The following MYOM1 variants were observed in gnomAD, a reference collection of about 807,000 sequenced individuals.
The protein encoded by MYOM1 is myomesin 1.
In MYOM1, 164 loss-of-function variants were observed where a neutral mutation model predicts 205.3. That is an observed-to-expected ratio of 0.80 (90% CI 0.70 to 0.91). The LOEUF (loss-of-function observed/expected upper bound fraction) is 0.91. Ranked by LOEUF, MYOM1 falls within the 40% of genes least tolerant of loss-of-function variation. The pLI is 0.00. For missense variants in MYOM1, 2,011 were observed against 2,127.3 expected (o/e 0.95, Z 1.08); for synonymous variants, 772 against 789.4 (o/e 0.98, Z 0.37).
intron 13 of MYOM1, 22 bp from the exon 14 acceptor site, chr18:3,142,085 T>C: frequency 6.2e-7 from 1 of 1,611,428 alleles, no homozygotes; most frequent in Non-Finnish European, 8.5e-7. Context: ...CAAGGAAAAA[T>C]GAGAAGCACA....
chr18:3,200,546 A>G (rs1227790394), intron 2 of MYOM1, among the ~76,000 whole-genome samples: 1 of 152,222 alleles, frequency 6.6e-6, no homozygotes, highest in East Asian at 1.9e-4. Context: ...AATATAAATT[A>G]TAAAATAAAA....
At chr18:3,086,425 T>C (rs1422077476) in intron 29 of MYOM1, among the ~76,000 whole-genome samples, 1 of 143,994 alleles carries the variant, frequency 6.9e-6, no homozygotes, top group East Asian at 1.9e-4. Context: ...AAAGAGAGAA[T>C]AGATACATTC....
intron 29 of MYOM1, among the ~76,000 whole-genome samples, chr18:3,087,909 C>G (rs554169308): frequency 6.6e-6 from 1 of 152,116 alleles, no homozygotes; most frequent in African/African-American, 2.4e-5. Flanking sequence ...TAATGCGACA[C>G]GTGAGTGGCT....
At chr18:3,124,303 CT>C (rs34118507) in intron 19 of MYOM1, among the ~76,000 whole-genome samples, 1,877 of 130,824 alleles carry the variant, frequency 0.014, 67 homozygotes, top group African/African-American at 0.051. Flanking sequence ...TTTCTTTTTT[CT>C]TTTTTTTTTT....
intron 17 of MYOM1, 135 bp downstream of exon 17, chr18:3,131,240 A>G: frequency 2.1e-6 from 2 of 971,180 alleles, no homozygotes; most frequent in African/African-American, 1.6e-5. Flanking sequence ...ACCTAGAGTC[A>G]GAGAAAATGA....
the MYOM1 span, among the ~76,000 whole-genome samples, chr18:3,227,389 T>C: frequency 1.3e-5 from 2 of 152,146 alleles, no homozygotes; most frequent in African/African-American, 4.8e-5. Context: ...AGTGTATGAT[T>C]CCACTTATAT....
rs781477026 is a variant in MYOM1 at position 3,151,806 on chromosome 18, A to T, written c.1731T>A (p.Gly577=). The change falls in exon 12 of 38, where the codon GGT becomes GGA. Residue 577 remains glycine, a synonymous_variant. Transcript: ENST00000356443. Reference sequence around the variant, plus strand: ...CTCGAACTCGGAAGATATAGGAACGACCTTCGATCAATCCAGTGACAGGAA... The same window carrying T: ...CTCGAACTCGGAAGATATAGGAACGTCCTTCGATCAATCCAGTGACAGGAA... ...ARFPVTGLIE[G]RSYIFRVRAV... is the part of the protein sequence containing the mutation. 6 of 1,613,972 alleles carry T rather than the reference A, an allele frequency of 3.7e-6. No homozygotes were observed. Among genetic ancestry groups the T allele is most frequent in the Non-Finnish European group, 5.1e-6 (6 of 1,179,844 alleles).
chr18:3,174,124 TA>T lies in MYOM1; in HGVS notation c.1106del (p.Val369GlufsTer26). On this transcript the variant is annotated frameshift_variant, in exon 7 of 38. Coordinates refer to ENST00000356443, the MANE Select transcript of MYOM1 (RefSeq NM_003803.4). LOFTEE classifies it high-confidence loss of function. ...GELSAYASVV[V>X]KRYKGEFDET... ...AAACAAATCTAGCAAACCTACTTTT[TA>T]CCACAACTGAAGCATATGCCGAAAG... The T allele has an allele frequency of 6.2e-7, 1 of 1,614,040 alleles. No homozygotes were observed. Among genetic ancestry groups the T allele is most frequent in the East Asian group, 2.2e-5 (1 of 44,890 alleles).
chr18:3,123,144 A>T (rs1286382001), intron 19 of MYOM1, among the ~76,000 whole-genome samples: 2 of 152,214 alleles, frequency 1.3e-5, no homozygotes, highest in Non-Finnish European at 2.9e-5. Context: ...CTTTTATTCA[A>T]TATAGTGCTA....
intron 10 of MYOM1, among the ~76,000 whole-genome samples, chr18:3,160,141 TTTCCC>T (rs1165184348): frequency 2.7e-5 from 4 of 150,080 alleles, no homozygotes; most frequent in South Asian, 2.1e-4. Context: ...TCCTCCTTCC[TTTCCC>T]TTCCCTTCCC....
rs78331937 is a variant in MYOM1, at chr18:3,072,350, C to CTTTTTTTTTTTTTTTTTT, written c.4709-479_4709-462dup. Among the ~76,000 whole-genome samples, 122 of 56,210 alleles carry CTTTTTTTTTTTTTTTTTT rather than the reference C, an allele frequency of 2.2e-3. 33 individuals are homozygous for CTTTTTTTTTTTTTTTTTT. The highest frequency in any genetic ancestry group is 9.2e-3 in the African/African-American group (99 of 10,708). The allele number at this position is 56,210 out of a possible 152,430, so 36.9% of individuals were successfully genotyped here. On this transcript the variant is annotated intron_variant, in intron 36 of 37. Coordinates refer to ENST00000356443, the MANE Select transcript of MYOM1 (RefSeq NM_003803.4). ...AGCAGGCGTGAGCCACCGCACCCGG[C>CTTTTTTTTTTTTTTTTTT]TTTTTTTTTTTTTTTTTTTTTGAGG...
chr18:3,202,352 T>C (rs564973700), intron 2 of MYOM1, among the ~76,000 whole-genome samples: 5,520 of 150,772 alleles, frequency 0.037, 300 homozygotes, highest in African/African-American at 0.12. Context: ...CAAACGTAAA[T>C]GGAATAAAAA....
At chr18:3,197,621 C>A (rs2081005966) in intron 2 of MYOM1, among the ~76,000 whole-genome samples, 1 of 152,088 alleles carries the variant, frequency 6.6e-6, no homozygotes, top group Non-Finnish European at 1.5e-5. Context: ...CGCCTGTAAT[C>A]CCAGCACGTT....
Position 3,129,303 on chromosome 18 carries a change from G to A in MYOM1, c.2723C>T (p.Thr908Ile), listed in dbSNP as rs758547005. ...AGGAGCCGCTTTCTGTGGTGGCGGGGTAAGCTCTTCCTGAACTGTTTCACT... is the reference window on the plus strand; with the variant it reads ...AGGAGCCGCTTTCTGTGGTGGCGGGATAAGCTCTTCCTGAACTGTTTCACT... ...KVSETVQEEL[T>I]PPPQKAAPQG... is the part of the protein sequence containing the mutation. Residue 908 changes from threonine to isoleucine, a missense_variant, in exon 18 of 38, where the codon ACC becomes ATC. Transcript: ENST00000356443. The A allele has an allele frequency of 1.2e-6, 2 of 1,613,996 alleles. No individual in the cohort carries two copies. Among genetic ancestry groups the A allele is most frequent in the Admixed American group, 1.7e-5 (1 of 60,012 alleles).
chr18:3,189,361 C>CT lies in MYOM1; in HGVS notation c.432-275dup, dbSNP rs35154072. ...CCCCTTACAAACCCTATGAGATAAA[C>CT]TTTTTTTTTTTTTTTGATATGGAGT... On this transcript the variant is annotated intron_variant, in intron 3 of 37. Transcript: ENST00000356443. The surrounding 1 kb of genome is among the most constrained non-coding windows in gnomAD (Gnocchi z 4.8). Among the ~76,000 whole-genome samples, 52,858 of 143,958 alleles carry CT rather than the reference C, an allele frequency of 0.37. 10,421 individuals are homozygous for CT. Among genetic ancestry groups the CT allele is most frequent in the East Asian group, 0.66 (3,191 of 4,854 alleles). The allele number at this position is 143,958 out of a possible 152,430, so 94.4% of individuals were successfully genotyped here.
In MYOM1 at chr18:3,090,628, C is replaced by CT. The variant is rs755486670; in HGVS notation, c.4009+29dup. 215 of 1,612,650 alleles carry CT rather than the reference C, an allele frequency of 1.3e-4. 1 individual carries two copies. In the African/African-American group the frequency reaches 2.2e-3, roughly 17 times the overall value. On this transcript the variant is annotated intron_variant, in intron 27 of 37. Transcript: ENST00000356443. ...CTTAGATTGAAGGGAGTAGCAAAGC[C>CT]TGCTGGTTAATGTTCCACGGAATTC...
chr18:3,141,517 C>T (rs9952728), intron 14 of MYOM1, among the ~76,000 whole-genome samples: 82,894 of 152,006 alleles, frequency 0.55, 23,985 homozygotes, highest in African/African-American at 0.74. Context: ...GCCCCTTCTC[C>T]GTTACCCCCT....
rs948998737 is a variant in MYOM1, at chr18:3,149,084, C to T, written c.1900+61G>A. The T allele has an allele frequency of 1.2e-5, 17 of 1,478,260 alleles. No individual in the cohort carries two copies. The Admixed American group carries it at 2.8e-4, about 25-fold the overall frequency. 91.6% of individuals were successfully genotyped at this position (1,478,260 alleles called of 1,614,324 possible). Reference sequence around the variant, plus strand: ...GCAATACACACTGCACCCTCCACAACAAAAGGCAAACTGCTTAGCAAAACA... The same window carrying T: ...GCAATACACACTGCACCCTCCACAATAAAAGGCAAACTGCTTAGCAAAACA... On this transcript the variant is annotated intron_variant, in intron 13 of 37. Coordinates refer to ENST00000356443, the MANE Select transcript of MYOM1 (RefSeq NM_003803.4).
Position 3,135,847 on chromosome 18 carries a change from A to G in MYOM1, c.2026-117T>C. The G allele has an allele frequency of 9.1e-7, 1 of 1,094,060 alleles. No homozygotes were observed. The highest frequency in any genetic ancestry group is 1.3e-6 in the Non-Finnish European group (1 of 760,218). 67.8% of individuals were successfully genotyped at this position (1,094,060 alleles called of 1,614,324 possible). ...AACCACTCCCTGTAATGCAAGCTGG[A>G]CTGGAGGAGAGATGAGGAGGAAATA... is the stretch of plus-strand genomic sequence containing the variant. On this transcript the variant is annotated intron_variant, in intron 14 of 37. Coordinates refer to ENST00000356443, the MANE Select transcript of MYOM1 (RefSeq NM_003803.4). The surrounding 1 kb of genome is among the most constrained non-coding windows in gnomAD (Gnocchi z 4.1).
Sources: allele counts gnomAD v4.1 joint callset (sites outside exome capture counted in the v4.1 genomes callset), GRCh38; gene constraint gnomAD v4.1.1; non-coding constraint Gnocchi (gnomAD v3.1); transcripts MANE v1.5; gene names NCBI Gene and HGNC (gene_info 2026-07-23, HGNC 2026-07-21).